FOXO1: variants seen among roughly 807,000 people sequenced by gnomAD.
The protein encoded by FOXO1 is forkhead box O1.
FOXO1 carries 6 observed loss-of-function variants against 44.1 expected under a neutral mutation model. The ratio of observed to expected loss-of-function variants is 0.14; its 90% CI spans 0.07 to 0.27. The LOEUF is 0.27. Ranked by LOEUF, FOXO1 falls within the 10% of genes least tolerant of loss-of-function variation. The pLI, the probability that FOXO1 is intolerant of heterozygous loss-of-function variation, is 1.00. For missense variants in FOXO1, 737 were observed against 888.8 expected, an observed-to-expected ratio of 0.83 and a Z score of 2.17; for synonymous variants, 380 against 362.7, an observed-to-expected ratio of 1.05 and a Z score of -0.54.
intron 1 of FOXO1, among the ~76,000 whole-genome samples, chr13:40,606,345 T>G (rs1267421443): frequency 6.6e-6 from 1 of 152,214 alleles, no homozygotes; most frequent in African/African-American, 2.4e-5. Flanking sequence ...AGTCTCACTC[T>G]GTCACCCAGG....
In FOXO1 at chr13:40,665,795, C is replaced by A. The variant is rs1878217186; in HGVS notation, c.418G>T (p.Ala140Ser). The A allele has an allele frequency of 8.1e-7, 1 of 1,241,322 alleles. No homozygotes were observed. Among genetic ancestry groups the A allele is most frequent in the Non-Finnish European group, 1.0e-6 (1 of 986,346 alleles). 76.9% of individuals were successfully genotyped at this position (1,241,322 alleles called of 1,614,324 possible). ...PLSQHPPVPP[A>S]AAGPLAGQPR... ...TGCCCCGCGAGCGGCCCAGCGGCGG[C>A]GGGGGGCACCGGCGGGTGCTGCGAC... Residue 140 changes from alanine to serine, a missense_variant, in exon 1 of 3, where the codon GCC (alanine) becomes TCC (serine). By Grantham distance (99) the Ala-to-Ser change is moderately conservative. Coordinates refer to ENST00000379561, the MANE Select transcript of FOXO1 (RefSeq NM_002015.4).
intron 1 of FOXO1, among the ~76,000 whole-genome samples, chr13:40,609,468 A>T (rs747105511): frequency 1.3e-5 from 2 of 152,168 alleles, no homozygotes; most frequent in African/African-American, 2.4e-5. Flanking sequence ...TTTACTCAAA[A>T]CCATAGAAAA....
At chr13:40,630,119 A>G (rs554007637) in intron 1 of FOXO1, among the ~76,000 whole-genome samples, 28 of 152,346 alleles carry the variant, frequency 1.8e-4, no homozygotes, top group African/African-American at 6.5e-4. Context: ...GGTTTAAAAT[A>G]TAAGTAGCTA....
chr13:40,654,143 A>G (rs895029116), intron 1 of FOXO1, among the ~76,000 whole-genome samples: 2 of 151,750 alleles, frequency 1.3e-5, no homozygotes, highest in African/African-American at 4.8e-5. Flanking sequence ...CCAGCTCTGT[A>G]ACTGGAACTG....
chr13:40,634,520 A>T (rs949911063), intron 1 of FOXO1, among the ~76,000 whole-genome samples: 12 of 152,206 alleles, frequency 7.9e-5, no homozygotes, highest in African/African-American at 2.2e-4. Flanking sequence ...AAAAAAATTT[A>T]AAAATAAGCA....
intron 1 of FOXO1, among the ~76,000 whole-genome samples, chr13:40,664,918 G>C (rs978035499): frequency 6.6e-6 from 1 of 151,890 alleles, no homozygotes; most frequent in Non-Finnish European, 1.5e-5. Flanking sequence ...GGCGGTGGCC[G>C]CCCCTTCGCA....
chr13:40,632,564 G>T (rs1440549249), intron 1 of FOXO1, among the ~76,000 whole-genome samples: 3 of 151,550 alleles, frequency 2.0e-5, no homozygotes, highest in Non-Finnish European at 2.9e-5. Context: ...CTTGAGCCCG[G>T]GAGGCGGAGG....
chr13:40,577,196 C>A (rs925441532), intron 1 of FOXO1, among the ~76,000 whole-genome samples: 68 of 122,442 alleles, frequency 5.6e-4, no homozygotes, highest in African/African-American at 2.0e-3. Context: ...GCATGATTAC[C>A]CCCCGCCCAC....
chr13:40,603,210 G>A (rs980241250), intron 1 of FOXO1, among the ~76,000 whole-genome samples: 1 of 152,084 alleles, frequency 6.6e-6, no homozygotes, highest in Non-Finnish European at 1.5e-5. Flanking sequence ...GGGTAATGAG[G>A]AGAAACAATA....
At chr13:40,606,782 C>A (rs1363998565) in intron 1 of FOXO1, among the ~76,000 whole-genome samples, 1 of 152,158 alleles carries the variant, frequency 6.6e-6, no homozygotes, top group African/African-American at 2.4e-5. Context: ...TCCCTCCATC[C>A]TCCCCAAGTC....
chr13:40,661,980 A>C (rs1212594158), intron 1 of FOXO1, among the ~76,000 whole-genome samples: 1 of 151,768 alleles, frequency 6.6e-6, no homozygotes, highest in African/African-American at 2.4e-5. Context: ...GAGGCCAGCC[A>C]AGCCAATATG....
Position 40,586,907 on chromosome 13 carries a change from T to C in FOXO1, c.631-26047A>G, listed in dbSNP as rs74637880. Among the ~76,000 whole-genome samples, 1,980 of 152,308 alleles carry C rather than the reference T, an allele frequency of 0.013. 151 individuals carry two copies. In the East Asian group the frequency reaches 0.25, roughly 19 times the overall value. ...AAAGGAGACACGTTGAACAATCCTC[T>C]ACTGGAAACATTGCTAAAGTGTTTT... is the stretch of plus-strand genomic sequence containing the variant. On this transcript the variant is annotated intron_variant, in intron 1 of 2. Transcript: ENST00000379561.
intron 1 of FOXO1, among the ~76,000 whole-genome samples, chr13:40,578,779 TACACAAAACA>T (rs1285412152): frequency 2.0e-5 from 3 of 152,220 alleles, no homozygotes; most frequent in African/African-American, 7.2e-5. Context: ...GAGCCTTGAG[TACACAAAACA>T]ACACAAAACA....
chr13:40,576,154 T>A (rs1433138820), intron 1 of FOXO1, among the ~76,000 whole-genome samples: 1 of 152,180 alleles, frequency 6.6e-6, no homozygotes, highest in Non-Finnish European at 1.5e-5. Context: ...GAAACTTTTT[T>A]AAAAACACTA....
At chr13:40,633,416 T>C (rs2137914930) in intron 1 of FOXO1, among the ~76,000 whole-genome samples, 1 of 152,346 alleles carries the variant, frequency 6.6e-6, no homozygotes, top group African/African-American at 2.4e-5. Flanking sequence ...ACTATTTCCA[T>C]ACAATGGCAT....
chr13:40,570,318 A>G (rs1317103068), intron 1 of FOXO1, among the ~76,000 whole-genome samples: 2 of 151,880 alleles, frequency 1.3e-5, no homozygotes, highest in Admixed American at 1.3e-4. Flanking sequence ...CCAAAAAAAA[A>G]AATAAAATAA....
At chr13:40,640,594 C>G (rs1272287821) in intron 1 of FOXO1, among the ~76,000 whole-genome samples, 1 of 152,148 alleles carries the variant, frequency 6.6e-6, no homozygotes, top group Non-Finnish European at 1.5e-5. Flanking sequence ...GAGACAGTAC[C>G]TAATGGGAAG....
chr13:40,665,808 C>T lies in FOXO1; in HGVS notation c.405G>A (p.Pro135=), dbSNP rs1435163579. ...GCCCAGCGGCGGCGGGGGGCACCGG[C>T]GGGTGCTGCGACAGCGGCCCGGGCG... ...PPPPGPLSQH[P]PVPPAAAGPL... Residue 135 remains proline (P), a synonymous_variant, in exon 1 of 3, where the codon CCG becomes CCA. Coordinates refer to ENST00000379561, the MANE Select transcript of FOXO1 (RefSeq NM_002015.4). 3.3e-6 allele frequency: 4 copies of T among 1,222,532 alleles called. No individual in the cohort carries two copies. Among genetic ancestry groups the T allele is most frequent in the Non-Finnish European group, 3.1e-6 (3 of 976,430 alleles). The allele number at this position is 1,222,532 out of a possible 1,614,324, so 75.7% of individuals were successfully genotyped here. A position where few individuals can be genotyped will look rare whatever the true frequency, so the allele number is the denominator to read the frequency against.
chr13:40,661,322 T>C (rs181870174), intron 1 of FOXO1, among the ~76,000 whole-genome samples: 97 of 152,012 alleles, frequency 6.4e-4, no homozygotes, highest in African/African-American at 2.2e-3. Context: ...GTTGCCCAGG[T>C]TGGAGGTCAG....
Sources: allele counts gnomAD v4.1 joint callset (sites outside exome capture counted in the v4.1 genomes callset), GRCh38; gene constraint gnomAD v4.1.1; transcripts MANE v1.5; gene names NCBI Gene and HGNC (gene_info 2026-07-23, HGNC 2026-07-21).